Variants in GNAO1 observed in about 807,000 individuals in gnomAD.
GNAO1 encodes G protein subunit alpha o1, also known as guanine nucleotide-binding protein G(o) subunit alpha.
For synonymous variants in GNAO1, 164 were observed against 180.7 expected (o/e 0.91, Z 0.74); for missense variants, 166 against 478.7 (o/e 0.35, Z 6.10).
At chr16:56,347,380 G>C (rs1423028957) in intron 6 of GNAO1, 2 of 985,468 alleles carry the variant, frequency 2.0e-6, no homozygotes, top group African/African-American at 3.5e-5. Context: ...GATCCCAGCA[G>C]CCCAGGGAAC....
At chr16:56,195,243 C>T (rs978232250) in intron 2 of GNAO1, among the ~76,000 whole-genome samples, 9 of 152,084 alleles carry the variant, frequency 5.9e-5, no homozygotes, top group Admixed American at 4.6e-4. Context: ...GTTTCTGGTT[C>T]CTGGTTTGCC....
At position 56,356,760 on chromosome 16, in the gene GNAO1, G is replaced by A. The variant is rs1391139681; in HGVS notation, c.*686G>A. ...CCTTTCTAAGGATAGCCTTTGTAGG[G>A]GTTTTTTGGTTCCTTTTTTTTTTTT... On this transcript the variant is annotated 3_prime_UTR_variant, in exon 9 of 9. Coordinates refer to ENST00000262493, the MANE Select transcript of GNAO1 (RefSeq NM_020988.3). The A allele has an allele frequency of 6.9e-6, 1 of 145,836 alleles. No homozygotes were observed. The highest frequency in any genetic ancestry group is 1.5e-5 in the Non-Finnish European group (1 of 66,550). The allele number at this position is 145,836 out of a possible 1,614,324, so 9.0% of individuals were successfully genotyped here. A position where few individuals can be genotyped will look rare whatever the true frequency, so the allele number is the denominator to read the frequency against.
intron 2 of GNAO1, among the ~76,000 whole-genome samples, chr16:56,248,828 T>C (rs1428462888): frequency 6.6e-6 from 1 of 152,174 alleles, no homozygotes; most frequent in African/African-American, 2.4e-5. Flanking sequence ...GCCAGAGGAC[T>C]GGGCTACTTT....
intron 2 of GNAO1, chr16:56,194,360 C>G (rs1486012132): frequency 2.3e-6 from 1 of 436,856 alleles, no homozygotes; most frequent in Non-Finnish European, 4.7e-6. Flanking sequence ...CAAGCCGCGC[C>G]ACCCCTTTCT....
chr16:56,355,134 A>ACT (rs1331418044), intron 8 of GNAO1, 53 bp downstream of exon 8: 2 of 623,020 alleles, frequency 3.2e-6, no homozygotes, highest in Admixed American at 5.8e-5. Flanking sequence ...ATACACACAC[A>ACT]CACACACACA....
intron 2 of GNAO1, among the ~76,000 whole-genome samples, chr16:56,231,214 C>T (rs2036586040): frequency 6.6e-6 from 1 of 152,190 alleles, no homozygotes; most frequent in Admixed American, 6.5e-5. Flanking sequence ...AGGCCCAGAC[C>T]TTGACTGGCA....
chr16:56,320,826 T>TGGGACA (rs1382180250), intron 3 of GNAO1, among the ~76,000 whole-genome samples: 6 of 152,182 alleles, frequency 3.9e-5, no homozygotes, highest in Non-Finnish European at 8.8e-5. Flanking sequence ...TTAGAACCAC[T>TGGGACA]GTAACTGGGA....
At chr16:56,298,840 G>A (rs374405306) in intron 3 of GNAO1, among the ~76,000 whole-genome samples, 7 of 151,738 alleles carry the variant, frequency 4.6e-5, no homozygotes, top group Non-Finnish European at 1.0e-4. Context: ...GTGTGAACCC[G>A]GTAGGCGGAG....
rs906746428 is a variant in GNAO1, at chr16:56,341,808, C to T, written c.723+4948C>T. 2.6e-5 allele frequency among the ~76,000 whole-genome samples: 4 copies of T among 152,290 alleles called. No homozygotes were observed. The South Asian group carries it at 8.3e-4, about 32-fold the overall frequency. ...GCGGTTACAGGGCCCCAGCATAGCT[C>T]GGGTGCCCATCAGCTCTTCTGAGAT... On this transcript the variant is annotated intron_variant, in intron 6 of 8. Coordinates refer to ENST00000262493, the MANE Select transcript of GNAO1 (RefSeq NM_020988.3).
chr16:56,206,323 T>TA (rs1567437753), intron 2 of GNAO1, among the ~76,000 whole-genome samples: 8 of 135,584 alleles, frequency 5.9e-5, no homozygotes, highest in African/African-American at 1.8e-4. Context: ...CCATCTCAAT[T>TA]TAAAAAAAAA....
chr16:56,338,499 C>A (rs919621112), intron 6 of GNAO1, among the ~76,000 whole-genome samples: 1 of 152,234 alleles, frequency 6.6e-6, no homozygotes, highest in Admixed American at 6.5e-5. Flanking sequence ...TATGCTATTA[C>A]GGCCACTGCT....
chr16:56,282,870 G>C lies in GNAO1; in HGVS notation c.303+6798G>C, dbSNP rs543405528. On this transcript the variant is annotated intron_variant, in intron 3 of 8. Transcript: ENST00000262493. ...GAGCAAGCCTTTGTCTAAAACCTTG[G>C]GGACAGCCAAAATGAATGTTAAGGT... Among the ~76,000 whole-genome samples the C allele has an allele frequency of 1.5e-4, 23 of 152,304 alleles. No individual in the cohort carries two copies. In the South Asian group the frequency reaches 4.8e-3, roughly 32 times the overall value.
intron 3 of GNAO1, among the ~76,000 whole-genome samples, chr16:56,299,210 C>T (rs982984385): frequency 4.6e-5 from 7 of 152,230 alleles, no homozygotes; most frequent in Non-Finnish European, 7.3e-5. Context: ...TCCAGGTGAA[C>T]ATTCCTACCT....
rs538317010 is a variant in GNAO1, at chr16:56,224,403, G to A, written c.161+31787G>A. Among the ~76,000 whole-genome samples the A allele has an allele frequency of 2.6e-5, 4 of 152,306 alleles. No individual in the cohort carries two copies. The South Asian group carries it at 8.3e-4, about 32-fold the overall frequency. Reference sequence around the variant, plus strand: ...GATAGCAGCCAGATAGATGCCCATGGCCCACTCATGCCCATGTTAATACCT... The same window carrying A: ...GATAGCAGCCAGATAGATGCCCATGACCCACTCATGCCCATGTTAATACCT... On this transcript the variant is annotated intron_variant, in intron 2 of 8. Transcript: ENST00000262493.
intron 3 of GNAO1, chr16:56,308,082 G>C (rs2037415540): frequency 6.6e-6 from 1 of 152,220 alleles, no homozygotes. Flanking sequence ...ATGACCTTGG[G>C]AATCAGCCAG....
intron 2 of GNAO1, among the ~76,000 whole-genome samples, chr16:56,212,315 A>T (rs1158227644): frequency 6.6e-6 from 1 of 152,150 alleles, no homozygotes; most frequent in Non-Finnish European, 1.5e-5. Flanking sequence ...TTATTGCTTC[A>T]TGCTAAAAAT....
chr16:56,218,480 C>G (rs181547458), intron 2 of GNAO1, among the ~76,000 whole-genome samples: 10 of 152,150 alleles, frequency 6.6e-5, no homozygotes, highest in Admixed American at 2.6e-4. Flanking sequence ...TGAGAGATGA[C>G]GAGACCTGGT....
intron 2 of GNAO1, among the ~76,000 whole-genome samples, chr16:56,197,453 C>G (rs1484877404): frequency 6.6e-6 from 1 of 152,204 alleles, no homozygotes; most frequent in Non-Finnish European, 1.5e-5. Context: ...TTACTGTGCA[C>G]TGAGCTGTAA....
At chr16:56,347,985 C>A (rs935227396) in intron 6 of GNAO1, 13 of 979,580 alleles carry the variant, frequency 1.3e-5, no homozygotes, top group African/African-American at 1.8e-5. Flanking sequence ...GAGGTGGGCT[C>A]GGGCGTCCCA....
Sources: gnomAD v4.1 joint callset for allele counts (sites outside exome capture counted in the v4.1 genomes callset) on GRCh38, gnomAD v4.1.1 for gene constraint, MANE v1.5 for transcripts, NCBI Gene and HGNC (gene_info 2026-07-23, HGNC 2026-07-21) for gene names.